The following GRAMD4 variants were observed in gnomAD, a reference collection of about 807,000 sequenced individuals.
The protein encoded by GRAMD4 is GRAM domain-containing protein 4.
GRAMD4 carries 25 observed loss-of-function variants against 83.9 expected under a neutral mutation model. That is an observed-to-expected ratio of 0.30 (90% CI 0.22 to 0.42). The LOEUF is 0.42. Ranked by LOEUF, GRAMD4 falls within the 10% of genes least tolerant of loss-of-function variation. The probability of loss-of-function intolerance (pLI) is 1.00; values close to 1 mark genes in which losing one functional copy is unlikely to be tolerated. For synonymous variants in GRAMD4, 336 were observed against 320.9 expected, an observed-to-expected ratio of 1.05 and a Z score of -0.50; for missense variants, 593 against 788.7, an observed-to-expected ratio of 0.75 and a Z score of 2.97.
In GRAMD4 at chr22:46,621,335, C is replaced by T. The variant is rs904164729; in HGVS notation, c.-50+770C>T. On this transcript the variant is annotated intron_variant, in intron 1 of 18. Coordinates refer to ENST00000406902, the MANE Select transcript of GRAMD4 (RefSeq NM_015124.5). The surrounding 1 kb of genome is among the most constrained non-coding windows in gnomAD (Gnocchi z 5.8). The stretch of plus-strand genomic sequence containing the variant: ...TCATGTCCACCTCGTACCTGTGGAC[C>T]CGACCTTACTTGGAAATGGCTCTTT... 2.0e-4 allele frequency among the ~76,000 whole-genome samples: 30 copies of T among 152,294 alleles called. No individual in the cohort carries two copies. The highest frequency in any genetic ancestry group is 7.2e-4 in the African/African-American group (30 of 41,556).
At chr22:46,599,703 C>T (rs959305514) in intron 1 of GRAMD4, among the ~76,000 whole-genome samples, 4 of 152,164 alleles carry the variant, frequency 2.6e-5, no homozygotes, top group Admixed American at 1.3e-4. Flanking sequence ...GTATTAGCTC[C>T]ATTCTCTGAA....
At chr22:46,575,905 C>T (rs1019914630), upstream of GRAMD4, 3 of 152,298 alleles carry the variant, frequency 2.0e-5, no homozygotes, top group Non-Finnish European at 4.4e-5. Context: ...GCCTCTAACC[C>T]AGGTCCATCA....
In GRAMD4 at chr22:46,672,749, A is replaced by G. The variant is rs958660276; in HGVS notation, c.1085-94A>G. On this transcript the variant is annotated intron_variant, in intron 13 of 18. Coordinates refer to ENST00000406902, the MANE Select transcript of GRAMD4 (RefSeq NM_015124.5). The surrounding 1 kb of genome is among the most constrained non-coding windows in gnomAD (Gnocchi z 4.7). ...TCCAGGCTCAGGGTGGAGGGTGCCA[A>G]TCTGGGAGGTGGGAGGTGCCGGAAC... 4.1e-6 allele frequency: 4 copies of G among 976,102 alleles called. No individual in the cohort carries two copies. The highest frequency in any genetic ancestry group is 1.6e-6 in the Non-Finnish European group (1 of 636,178). 60.5% of individuals were successfully genotyped at this position (976,102 alleles called of 1,614,324 possible). A position where few individuals can be genotyped will look rare whatever the true frequency, so the allele number is the denominator to read the frequency against.
chr22:46,605,372 C>T (rs1005010035), intron 1 of GRAMD4, among the ~76,000 whole-genome samples: 1 of 152,248 alleles, frequency 6.6e-6, no homozygotes, highest in African/African-American at 2.4e-5. Flanking sequence ...ACTTAGGTTG[C>T]TTCACCCTTT....
At chr22:46,617,243 A>T (rs1193405841), upstream of GRAMD4, among the ~76,000 whole-genome samples, 17 of 67,998 alleles carry the variant, frequency 2.5e-4, no homozygotes, top group South Asian at 4.8e-4. Context: ...TAAGTTCCCC[A>T]GTGTGTAGGT....
intron 3 of GRAMD4, among the ~76,000 whole-genome samples, chr22:46,649,544 C>T (rs2082134763): frequency 1.3e-5 from 2 of 152,350 alleles, no homozygotes; most frequent in South Asian, 4.1e-4. Context: ...AATGTCAGTA[C>T]ATTATCTGTC....
intron 2 of GRAMD4, among the ~76,000 whole-genome samples, chr22:46,635,656 CCACTCCCA>C (rs1337913960): frequency 2.1e-5 from 3 of 141,392 alleles, no homozygotes; most frequent in Non-Finnish European, 4.6e-5. Context: ...CTCCCTGCCC[CCACTCCCA>C]GCCACCCCTG....
At chr22:46,680,638 CCATT>C (rs2146526766), downstream of GRAMD4, among the ~76,000 whole-genome samples, 2 of 128,978 alleles carry the variant, frequency 1.6e-5, no homozygotes, top group Middle Eastern at 4.0e-3. Flanking sequence ...ATCCCTCCAT[CCATT>C]CATCCATCCA....
At chr22:46,637,787 A>G (rs1569279622) in intron 2 of GRAMD4, 53 bp from the exon 3 acceptor site, 16 of 1,604,858 alleles carry the variant, frequency 1.0e-5, no homozygotes, top group Non-Finnish European at 1.3e-5. Context: ...TGAGTGGTGC[A>G]GACCCAGGGT....
At chr22:46,627,312 C>T (rs1337123566) in intron 2 of GRAMD4, among the ~76,000 whole-genome samples, 5 of 152,372 alleles carry the variant, frequency 3.3e-5, no homozygotes, top group South Asian at 2.1e-4. Flanking sequence ...GTCTGGAAGC[C>T]GCTGGTGCCT....
chr22:46,598,596 G>A (rs1330953128), intron 1 of GRAMD4, among the ~76,000 whole-genome samples: 1 of 152,002 alleles, frequency 6.6e-6, no homozygotes, highest in African/African-American at 2.4e-5. Flanking sequence ...TCACCTGTGG[G>A]TCTAGGTGGT....
intron 1 of GRAMD4, among the ~76,000 whole-genome samples, chr22:46,603,510 C>CTTTT (rs1569254336): frequency 8.9e-5 from 2 of 22,454 alleles, no homozygotes; most frequent in Admixed American, 6.2e-4. Context: ...CGCCCGGCCT[C>CTTTT]TTCTCTTTTT....
At chr22:46,624,526 A>T (rs934646187) in intron 1 of GRAMD4, among the ~76,000 whole-genome samples, 13 of 151,756 alleles carry the variant, frequency 8.6e-5, no homozygotes, top group Admixed American at 6.6e-5. Flanking sequence ...ACAGGGTTTC[A>T]CCATGTTGGC....
chr22:46,595,493 G>T (rs1189071213), intron 1 of GRAMD4, among the ~76,000 whole-genome samples: 1 of 152,246 alleles, frequency 6.6e-6, no homozygotes, highest in Non-Finnish European at 1.5e-5. Flanking sequence ...TGGGCCTGGT[G>T]GTCAGTATGG....
chr22:46,626,454 C>T (rs570002825), intron 1 of GRAMD4, among the ~76,000 whole-genome samples: 53 of 152,342 alleles, frequency 3.5e-4, no homozygotes, highest in African/African-American at 1.3e-3. Context: ...GAGGCAAGGA[C>T]GCAGCTCAGC....
chr22:46,639,884 G>A (rs2081950327), intron 3 of GRAMD4, among the ~76,000 whole-genome samples: 1 of 152,180 alleles, frequency 6.6e-6, no homozygotes, highest in African/African-American at 2.4e-5. Flanking sequence ...GGCAGAGAGG[G>A]GCTGGCCCGC....
At position 46,590,001 on chromosome 22, in the gene GRAMD4, GC is replaced by G. The variant is rs771474515; in HGVS notation, c.-50+12713del. ...CATGTATTGGTGGGGAGGCCGTGTCGCCTCCTGTAACTCCCACGGCAGTCTT... is the reference window on the plus strand; with the variant it reads ...CATGTATTGGTGGGGAGGCCGTGTCGCTCCTGTAACTCCCACGGCAGTCTT... On this transcript the variant is annotated intron_variant, in intron 1 of 1. Transcript: ENST00000431155. Among the ~76,000 whole-genome samples, 91 of 152,308 alleles carry G rather than the reference GC, an allele frequency of 6.0e-4. 1 individual carries two copies. Among genetic ancestry groups the G allele is most frequent in the Non-Finnish European group, 1.1e-3 (72 of 68,004 alleles).
chr22:46,614,242 C>A (rs1279968781), intron 1 of GRAMD4, among the ~76,000 whole-genome samples: 1 of 152,232 alleles, frequency 6.6e-6, no homozygotes, highest in Non-Finnish European at 1.5e-5. Context: ...GCAATGATGG[C>A]CGCTGGCATG....
At chr22:46,586,824 T>C (rs9615390) in intron 1 of GRAMD4, among the ~76,000 whole-genome samples, 83,927 of 151,640 alleles carry the variant, frequency 0.55, 24,827 homozygotes, top group African/African-American at 0.76. Context: ...CTGCAGCTGA[T>C]GAGGAGGGAG....
Sources: allele counts gnomAD v4.1 joint callset (sites outside exome capture counted in the v4.1 genomes callset), GRCh38; gene constraint gnomAD v4.1.1; non-coding constraint Gnocchi (gnomAD v3.1); transcripts MANE v1.5; gene names NCBI Gene and HGNC (gene_info 2026-07-23, HGNC 2026-07-21).